Variants in BRINP1 observed in about 807,000 individuals in gnomAD.
BRINP1 encodes the protein BMP/retinoic acid inducible neural specific 1.
A neutral mutation model predicts 72.9 loss-of-function variants in BRINP1; 17 were observed. That is an observed-to-expected ratio of 0.23 (90% CI 0.16 to 0.35). BRINP1 has a LOEUF of 0.35. Among genes scored for constraint, BRINP1 ranks in the 10% least tolerant of loss-of-function variants. The pLI is 1.00. For missense variants in BRINP1, 850 were observed against 1,001.6 expected (o/e 0.85, Z 2.04); for synonymous variants, 418 against 378.5 (o/e 1.10, Z -1.21).
At chr9:119,304,879 T>C (rs1353584404) in intron 2 of BRINP1, among the ~76,000 whole-genome samples, 1 of 152,224 alleles carries the variant, frequency 6.6e-6, no homozygotes, top group Non-Finnish European at 1.5e-5. Flanking sequence ...TTTCTCCCTT[T>C]CTCCCACTCC....
chr9:119,283,725 G>A (rs1335503739), intron 2 of BRINP1, among the ~76,000 whole-genome samples: 1 of 152,094 alleles, frequency 6.6e-6, no homozygotes, highest in Non-Finnish European at 1.5e-5. Flanking sequence ...TAGAGATGAG[G>A]TTTCACCATG....
At position 119,167,769 on chromosome 9, in the gene BRINP1, C is replaced by T. The variant is rs763444329; in HGVS notation, c.1601G>A (p.Arg534His). 66 of 1,613,914 alleles carry T rather than the reference C, an allele frequency of 4.1e-5. No individual in the cohort carries two copies. Among genetic ancestry groups the T allele is most frequent in the Non-Finnish European group, 4.8e-5 (57 of 1,180,042 alleles). Residue 534 changes from arginine to histidine, a missense_variant, in exon 8 of 8, where the codon CGC becomes CAC. Physicochemically the swap from Arg to His is conservative, Grantham distance 29. Coordinates refer to ENST00000265922, the MANE Select transcript of BRINP1 (RefSeq NM_014618.3). This position sits in a 1 kb window ranked among gnomAD's most constrained non-coding sequence, Gnocchi z 4.3. The stretch of plus-strand genomic sequence containing the variant: ...GATCACCATGTGGATGAAGTCCATG[C>T]GGTTCTTGTTGCTCTTGAGAGTGAG... ...MSLTLKSNKNRMDFIHMVIGM... is the reference protein window; with the variant it reads ...MSLTLKSNKNHMDFIHMVIGM...
intron 5 of BRINP1, among the ~76,000 whole-genome samples, chr9:119,227,900 G>A (rs1160564739): frequency 2.6e-5 from 4 of 152,072 alleles, no homozygotes; most frequent in African/African-American, 9.7e-5. Context: ...TGGTGGGATG[G>A]ATAAATGGGC....
chr9:119,326,759 T>C (rs1831245535), intron 1 of BRINP1, among the ~76,000 whole-genome samples: 1 of 152,178 alleles, frequency 6.6e-6, no homozygotes, highest in Admixed American at 6.5e-5. Context: ...CAGTCCAGAA[T>C]GCGAGATGGA....
rs188319246 is a variant in BRINP1 at position 119,365,468 on chromosome 9, G to A, written c.-51+3588C>T. Among the ~76,000 whole-genome samples the A allele has an allele frequency of 6.6e-5, 10 of 152,258 alleles. No homozygotes were observed. The East Asian group carries it at 1.5e-3, about 24-fold the overall frequency. On this transcript the variant is annotated intron_variant, in intron 1 of 7. Transcript: ENST00000265922. ...CAGCAAGGGAAAAGCAGGAAAAGAC[G>A]GGTAGGGTATGTCTAACCTTAATGG...
At chr9:119,194,197 G>T (rs1172313452) in intron 7 of BRINP1, among the ~76,000 whole-genome samples, 2 of 152,154 alleles carry the variant, frequency 1.3e-5, no homozygotes, top group Non-Finnish European at 2.9e-5. Flanking sequence ...ATGAATTACT[G>T]ATCCACAAAT....
rs1438242716 is a variant in BRINP1 at position 119,273,853 on chromosome 9, G to A, written c.219-24703C>T. ...CAGAGAGGTTATGTTCCTTGTCCAC[G>A]TTCACCCAGCTAGATCAAATCTCTT... On this transcript the variant is annotated intron_variant, in intron 2 of 7. Transcript: ENST00000265922. Among the ~76,000 whole-genome samples the A allele has an allele frequency of 4.6e-5, 7 of 152,232 alleles. No homozygotes were observed. In the East Asian group the frequency reaches 5.8e-4, roughly 13 times the overall value.
chr9:119,261,866 C>T (rs1049536630), intron 2 of BRINP1, among the ~76,000 whole-genome samples: 1 of 151,026 alleles, frequency 6.6e-6, no homozygotes, highest in Non-Finnish European at 1.5e-5. Context: ...TTCCTCGCCT[C>T]TCTTTCCCTC....
At chr9:119,301,372 A>C (rs1464966619) in intron 2 of BRINP1, among the ~76,000 whole-genome samples, 1 of 152,196 alleles carries the variant, frequency 6.6e-6, no homozygotes, top group East Asian at 1.9e-4. Context: ...CAACTTTCAT[A>C]TTCAAACACT....
chr9:119,217,999 GCAT>G (rs1230122727), intron 5 of BRINP1, among the ~76,000 whole-genome samples: 1 of 151,734 alleles, frequency 6.6e-6, no homozygotes, highest in Admixed American at 6.6e-5. Context: ...AGGTTAAAAG[GCAT>G]CTTCAATTTT....
chr9:119,211,599 C>G (rs1428127245), intron 6 of BRINP1, among the ~76,000 whole-genome samples: 2 of 152,206 alleles, frequency 1.3e-5, no homozygotes, highest in Non-Finnish European at 2.9e-5. Context: ...GCCACCCACA[C>G]TCTGGAGCCA....
rs144249283 is a variant in BRINP1, at chr9:119,226,632, T to G, written c.685+12023A>C. On this transcript the variant is annotated intron_variant, in intron 5 of 7. Coordinates refer to ENST00000265922, the MANE Select transcript of BRINP1 (RefSeq NM_014618.3). The stretch of plus-strand genomic sequence containing the variant: ...AGCTCTTTTTACAGTCATATACTCC[T>G]GGGTTGCTGCAAAGCCTAGTATCAT... 1.6e-4 allele frequency among the ~76,000 whole-genome samples: 24 copies of G among 150,724 alleles called. No homozygotes were observed. The East Asian group carries it at 3.4e-3, about 21-fold the overall frequency.
chr9:119,365,142 T>A (rs1831678711), intron 1 of BRINP1, among the ~76,000 whole-genome samples: 1 of 152,190 alleles, frequency 6.6e-6, no homozygotes, highest in Non-Finnish European at 1.5e-5. Context: ...GAGTTTCAGA[T>A]AAAATGGTAC....
chr9:119,367,192 C>CGTGTGT (rs1831700674), intron 1 of BRINP1, among the ~76,000 whole-genome samples: 2 of 79,776 alleles, frequency 2.5e-5, no homozygotes, highest in African/African-American at 1.1e-4. Flanking sequence ...AATATGAACA[C>CGTGTGT]ATGTGTGTGT....
chr9:119,313,894 A>G (rs1831097748), intron 1 of BRINP1, among the ~76,000 whole-genome samples: 1 of 152,256 alleles, frequency 6.6e-6, no homozygotes, highest in Non-Finnish European at 1.5e-5. Flanking sequence ...CCTCTCATAA[A>G]GAGGTATCAA....
chr9:119,279,116 T>C (rs752754614), intron 2 of BRINP1, among the ~76,000 whole-genome samples: 2 of 152,216 alleles, frequency 1.3e-5, no homozygotes, highest in Non-Finnish European at 2.9e-5. Flanking sequence ...TCTCCTCAGG[T>C]ACTTCCCAAT....
intron 2 of BRINP1, among the ~76,000 whole-genome samples, chr9:119,254,645 G>T (rs1037076271): frequency 2.0e-5 from 3 of 152,146 alleles, no homozygotes; most frequent in Non-Finnish European, 2.9e-5. Context: ...TCAAAAGAAG[G>T]TGTTGAGTCT....
At chr9:119,194,286 C>A (rs1381276212) in intron 7 of BRINP1, among the ~76,000 whole-genome samples, 2 of 152,116 alleles carry the variant, frequency 1.3e-5, no homozygotes, top group Non-Finnish European at 2.9e-5. Flanking sequence ...ATATTCAGAA[C>A]AGTATATGTT....
intron 1 of BRINP1, among the ~76,000 whole-genome samples, chr9:119,356,575 G>A (rs1831568657): frequency 6.6e-6 from 1 of 152,062 alleles, no homozygotes; most frequent in African/African-American, 2.4e-5. Flanking sequence ...GGCCGAGATG[G>A]GTGGATCACC....
Sources: gnomAD v4.1 joint callset for allele counts (sites outside exome capture counted in the v4.1 genomes callset) on GRCh38, gnomAD v4.1.1 for gene constraint, Gnocchi (gnomAD v3.1) non-coding constraint, MANE v1.5 for transcripts, NCBI Gene and HGNC (gene_info 2026-07-23, HGNC 2026-07-21) for gene names.